LOC400499: variants seen among roughly 807,000 people sequenced by gnomAD.
the LOC400499 span, among the ~76,000 whole-genome samples, chr16:11,407,778 T>A: frequency 6.6e-6 from 1 of 152,048 alleles, no homozygotes; most frequent in Non-Finnish European, 1.5e-5. Context: ...CACCCAAGCC[T>A]TCTAATCCAA....
chr16:11,460,172 T>C, the LOC400499 span: 10 of 875,238 alleles, frequency 1.1e-5, no homozygotes, highest in Non-Finnish European at 1.5e-5. Context: ...GACGGTTCTG[T>C]AGAAAGCACT....
chr16:11,523,763 C>G, the LOC400499 span, among the ~76,000 whole-genome samples: 1 of 151,956 alleles, frequency 6.6e-6, no homozygotes, highest in African/African-American at 2.4e-5. Context: ...CTACCTGAGT[C>G]CAATATGTCA....
chr16:11,384,755 G>A, the LOC400499 span: 13 of 754,364 alleles, frequency 1.7e-5, no homozygotes, highest in South Asian at 7.0e-5. Flanking sequence ...GGGCACACGC[G>A]CTGCCATGCT....
chr16:11,463,647 TTGTG>T, the LOC400499 span, among the ~76,000 whole-genome samples: 1 of 152,178 alleles, frequency 6.6e-6, no homozygotes, highest in Non-Finnish European at 1.5e-5. Flanking sequence ...TACACGTGGA[TTGTG>T]TGAATATGGA....
chr16:11,405,109 C>G, the LOC400499 span, among the ~76,000 whole-genome samples: 1 of 152,184 alleles, frequency 6.6e-6, no homozygotes, highest in Non-Finnish European at 1.5e-5. Flanking sequence ...ACAGCCACTT[C>G]TCAATTCCAT....
At chr16:11,382,006 A>C in the LOC400499 span, among the ~76,000 whole-genome samples, 3 of 151,448 alleles carry the variant, frequency 2.0e-5, no homozygotes, top group Admixed American at 2.0e-4. Context: ...GCAGTGGCGC[A>C]ATCTCGGCTC....
At chr16:11,407,661 T>C in the LOC400499 span, among the ~76,000 whole-genome samples, 30 of 152,320 alleles carry the variant, frequency 2.0e-4, no homozygotes, top group African/African-American at 7.0e-4. Context: ...CAGGGGGCAG[T>C]CTAGCAGAAA....
chr16:11,468,529 T>G, the LOC400499 span, among the ~76,000 whole-genome samples: 1 of 152,240 alleles, frequency 6.6e-6, no homozygotes, highest in South Asian at 2.1e-4. Flanking sequence ...TCTTGCTATG[T>G]TGCCCAGGTT....
the LOC400499 span, chr16:11,399,774 C>A: frequency 2.5e-6 from 1 of 398,870 alleles, no homozygotes; most frequent in African/African-American, 2.1e-5. Context: ...CCCAGGTGAG[C>A]TGCAGCGTCG....
chr16:11,500,144 A>C, the LOC400499 span, among the ~76,000 whole-genome samples: 1 of 152,178 alleles, frequency 6.6e-6, no homozygotes, highest in African/African-American at 2.4e-5. Context: ...CAGGAGAACC[A>C]CTTCACACAC....
chr16:11,442,713 A>G, the LOC400499 span, among the ~76,000 whole-genome samples: 4 of 152,134 alleles, frequency 2.6e-5, no homozygotes, highest in African/African-American at 9.7e-5. Context: ...GGTAGCAATT[A>G]ATTTCCTTAA....
chr16:11,514,946 T>C, the LOC400499 span, among the ~76,000 whole-genome samples: 3 of 152,066 alleles, frequency 2.0e-5, no homozygotes, highest in African/African-American at 7.2e-5. Context: ...CTGCAGATGT[T>C]TGGTATTTAC....
the LOC400499 span, among the ~76,000 whole-genome samples, chr16:11,391,218 A>G: frequency 6.6e-6 from 1 of 152,336 alleles, no homozygotes; most frequent in Non-Finnish European, 1.5e-5. Flanking sequence ...GCTGGGCATT[A>G]GCCCTGGATG....
At chr16:11,421,938 TTAC>T in the LOC400499 span, among the ~76,000 whole-genome samples, 1 of 152,174 alleles carries the variant, frequency 6.6e-6, no homozygotes, top group Non-Finnish European at 1.5e-5. Flanking sequence ...TACACATATT[TTAC>T]TACAACAAGA....
chr16:11,392,430 G>A, the LOC400499 span: 10 of 398,984 alleles, frequency 2.5e-5, no homozygotes, highest in Middle Eastern at 6.3e-4. Flanking sequence ...CTGCCATCCC[G>A]GAACAGGACC....
At chr16:11,448,283 G>C in the LOC400499 span, among the ~76,000 whole-genome samples, 1 of 152,208 alleles carries the variant, frequency 6.6e-6, no homozygotes, top group Non-Finnish European at 1.5e-5. Flanking sequence ...GACCTCCCTA[G>C]GTACCCGGGG....
chr16:11,502,063 G>T, the LOC400499 span: 1 of 399,060 alleles, frequency 2.5e-6, no homozygotes, highest in Non-Finnish European at 4.4e-6. Context: ...CCCCCACCCG[G>T]AGAGGGACCT....
At chr16:11,479,755 C>T in the LOC400499 span, among the ~76,000 whole-genome samples, 1 of 152,102 alleles carries the variant, frequency 6.6e-6, no homozygotes, top group South Asian at 2.1e-4. Flanking sequence ...ACTAACAAAC[C>T]AACACTGGTA....
At chr16:11,427,978 G>C in the LOC400499 span, among the ~76,000 whole-genome samples, 2 of 152,116 alleles carry the variant, frequency 1.3e-5, no homozygotes, top group African/African-American at 4.8e-5. Flanking sequence ...CCCAAGACAG[G>C]CTTCTTGGAT....
Sources: allele counts gnomAD v4.1 joint callset (sites outside exome capture counted in the v4.1 genomes callset), GRCh38; gene constraint gnomAD v4.1.1; transcripts MANE v1.5.